HDAC9: variants seen among roughly 807,000 people sequenced by gnomAD.
HDAC9 encodes the protein histone deacetylase 9, also known as MEF-2 interacting transcription repressor (MITR) protein.
In HDAC9, 41 loss-of-function variants were observed where a neutral mutation model predicts 139.4. The observed-to-expected ratio is 0.29, with a 90% CI of 0.23 to 0.38. The LOEUF is 0.38. HDAC9 is among the 10% of genes least tolerant of loss of function. The pLI is 1.00. For synonymous variants in HDAC9, 517 were observed against 476.2 expected (o/e 1.09, Z -1.12); for missense variants, 1,147 against 1,297.0 (o/e 0.88, Z 1.78).
chr7:18,358,472 G>A lies in HDAC9; in HGVS notation c.-42+67957G>A, dbSNP rs191492687. ...GTGATTTTGGAAACATGAATATCTT[G>A]TGATTTTTATTTTATGCAAACTGGC... On this transcript the variant is annotated intron_variant, in intron 1 of 3. Transcript: ENST00000413509. Among the ~76,000 whole-genome samples the A allele has an allele frequency of 1.6e-3, 243 of 152,292 alleles. 1 individual carries two copies. The highest frequency in any genetic ancestry group is 2.5e-3 in the Non-Finnish European group (170 of 68,022).
At chr7:18,784,721 C>T (rs1017251562) in intron 16 of HDAC9, among the ~76,000 whole-genome samples, 3 of 152,058 alleles carry the variant, frequency 2.0e-5, no homozygotes, top group Non-Finnish European at 4.4e-5. Context: ...TTATACCCAT[C>T]TCTCAGCTGC....
At position 18,544,723 on chromosome 7, in the gene HDAC9, A is replaced by G. The variant is rs535686122; in HGVS notation, c.23-40558A>G. 6.6e-5 allele frequency among the ~76,000 whole-genome samples: 10 copies of G among 152,302 alleles called. No individual in the cohort carries two copies. The South Asian group carries it at 2.1e-3, about 32-fold the overall frequency. On this transcript the variant is annotated intron_variant, in intron 2 of 25. Coordinates refer to ENST00000686413, the MANE Select transcript of HDAC9 (RefSeq NM_178425.4). ...GTGGACTATTAGAAACTAAGGAAAGACAGTATTTCAGGAAGGGGGAGCTGA... is the reference window on the plus strand; with the variant it reads ...GTGGACTATTAGAAACTAAGGAAAGGCAGTATTTCAGGAAGGGGGAGCTGA...
intron 1 of HDAC9, among the ~76,000 whole-genome samples, chr7:18,101,684 C>A (rs1417448080): frequency 6.6e-6 from 1 of 152,088 alleles, no homozygotes; most frequent in Non-Finnish European, 1.5e-5. Flanking sequence ...TTAAAAAATC[C>A]ATTTTGCACA....
At chr7:18,520,255 T>A (rs1804603765) in intron 2 of HDAC9, among the ~76,000 whole-genome samples, 1 of 152,168 alleles carries the variant, frequency 6.6e-6, no homozygotes, top group Non-Finnish European at 1.5e-5. Context: ...TATATTTTTC[T>A]TTTCATTCTG....
At chr7:18,860,496 T>C (rs1798025290) in intron 21 of HDAC9, among the ~76,000 whole-genome samples, 1 of 152,216 alleles carries the variant, frequency 6.6e-6, no homozygotes, top group Non-Finnish European at 1.5e-5. Flanking sequence ...AGGATTATGT[T>C]ATTCTTTAAA....
At chr7:18,625,654 T>C (rs1841481303) in intron 6 of HDAC9, among the ~76,000 whole-genome samples, 1 of 152,094 alleles carries the variant, frequency 6.6e-6, no homozygotes, top group African/African-American at 2.4e-5. Context: ...CTGCAAGATA[T>C]GTGGGACTGG....
At chr7:18,423,807 A>T (rs1193888069) in intron 1 of HDAC9, among the ~76,000 whole-genome samples, 1 of 152,232 alleles carries the variant, frequency 6.6e-6, no homozygotes, top group Admixed American at 6.5e-5. Context: ...GAGTGGGCAC[A>T]GTACCACTTA....
At chr7:18,865,125 G>A (rs557040094) in intron 21 of HDAC9, among the ~76,000 whole-genome samples, 11 of 152,276 alleles carry the variant, frequency 7.2e-5, no homozygotes, top group African/African-American at 2.6e-4. Flanking sequence ...AACATGTTAA[G>A]CTGGCCGGCT....
chr7:18,392,990 AAAT>A (rs1266315791), intron 1 of HDAC9, among the ~76,000 whole-genome samples: 1 of 151,750 alleles, frequency 6.6e-6, no homozygotes, highest in Non-Finnish European at 1.5e-5. Context: ...TTTTTAAAGA[AAAT>A]AATTAAGTGT....
chr7:18,726,898 G>C (rs188897491), intron 12 of HDAC9, among the ~76,000 whole-genome samples: 1 of 152,184 alleles, frequency 6.6e-6, no homozygotes, highest in East Asian at 1.9e-4. Flanking sequence ...ATTCCAAACT[G>C]TGATTCACTG....
At chr7:18,658,899 C>CAAAAAAAAAAAAAAA (rs11306117) in intron 11 of HDAC9, among the ~76,000 whole-genome samples, 9 of 118,150 alleles carry the variant, frequency 7.6e-5, no homozygotes, top group East Asian at 2.2e-4. Flanking sequence ...AAAAAAAAAG[C>CAAAAAAAAAAAAAAA]AAAAAAAAAA....
chr7:18,895,143 A>G (rs1161121572), intron 22 of HDAC9, among the ~76,000 whole-genome samples: 5 of 152,240 alleles, frequency 3.3e-5, no homozygotes. Context: ...TGTAAATTTC[A>G]CATATAACTT....
At chr7:18,820,080 C>T (rs148717266) in intron 17 of HDAC9, among the ~76,000 whole-genome samples, 70 of 151,950 alleles carry the variant, frequency 4.6e-4, no homozygotes, top group African/African-American at 1.1e-3. Context: ...CTTCAAAGTT[C>T]GAGAAACAGA....
chr7:18,705,070 A>G (rs931723843), intron 12 of HDAC9, among the ~76,000 whole-genome samples: 1 of 152,216 alleles, frequency 6.6e-6, no homozygotes, highest in Admixed American at 6.5e-5. Flanking sequence ...TAAATTAAAT[A>G]TGCGTTCCTG....
chr7:18,652,973 A>G lies in HDAC9; in HGVS notation c.1467+4290A>G, dbSNP rs571501530. ...TAATACAGGCCGGGTGCAATGGCTC[A>G]TGCCTGTAATCCCAGCACTCTGGGA... On this transcript the variant is annotated intron_variant, in intron 11 of 25. Coordinates refer to ENST00000686413, the MANE Select transcript of HDAC9 (RefSeq NM_178425.4). Among the ~76,000 whole-genome samples the G allele has an allele frequency of 3.2e-4, 48 of 152,240 alleles. No individual in the cohort carries two copies. The South Asian group carries it at 8.7e-3, about 28-fold the overall frequency.
intron 2 of HDAC9, among the ~76,000 whole-genome samples, chr7:18,249,502 C>CAAAAAAAAAAAAAAAAAAAAAAAA (rs3058733): frequency 1.7e-5 from 1 of 58,590 alleles, no homozygotes; most frequent in Non-Finnish European, 3.8e-5. Flanking sequence ...GACTCTGTCT[C>CAAAAAAAAAAAAAAAAAAAAAAAA]AAAAAAAAAA....
At chr7:18,508,230 G>T (rs1463749112) in intron 2 of HDAC9, among the ~76,000 whole-genome samples, 1 of 152,150 alleles carries the variant, frequency 6.6e-6, no homozygotes, top group Non-Finnish European at 1.5e-5. Context: ...TATTAACTAG[G>T]GTAGCTAGGG....
intron 1 of HDAC9, among the ~76,000 whole-genome samples, chr7:18,159,578 T>G (rs1026754156): frequency 6.6e-6 from 1 of 152,148 alleles, no homozygotes; most frequent in African/African-American, 2.4e-5. Context: ...GAGGGAAGCA[T>G]ATATAGCCTA....
At chr7:18,727,423 GT>G (rs1785636637) in intron 12 of HDAC9, among the ~76,000 whole-genome samples, 156 bp from the exon 13 acceptor site, 1 of 152,094 alleles carries the variant, frequency 6.6e-6, no homozygotes, top group Admixed American at 6.5e-5. Context: ...ACTGGATCTT[GT>G]TTTTTCTCTC....
Sources: gnomAD v4.1 joint callset for allele counts (sites outside exome capture counted in the v4.1 genomes callset) on GRCh38, gnomAD v4.1.1 for gene constraint, MANE v1.5 for transcripts, NCBI Gene and HGNC (gene_info 2026-07-23, HGNC 2026-07-21) for gene names.